The following GALNT10 variants were observed in gnomAD, a reference collection of about 807,000 sequenced individuals.
The protein encoded by GALNT10 is polypeptide N-acetylgalactosaminyltransferase 10.
Under a neutral mutation model 75.0 loss-of-function variants are expected in GALNT10, and 41 were observed. The observed-to-expected ratio is 0.55, with a 90% confidence interval of 0.43 to 0.71. The LOEUF is 0.71. Among genes scored for constraint, GALNT10 ranks in the 30% least tolerant of loss-of-function variants. The probability of loss-of-function intolerance (pLI) is 0.00; values close to 1 mark genes in which losing one functional copy is unlikely to be tolerated. For missense variants in GALNT10, 727 were observed against 818.5 expected (o/e 0.89, Z 1.36); for synonymous variants, 302 against 313.0 (o/e 0.96, Z 0.37).
At chr5:154,356,235 C>A (rs541769499) in intron 4 of GALNT10, 1 of 456,070 alleles carries the variant, frequency 2.2e-6, no homozygotes, top group Non-Finnish European at 4.4e-6. Flanking sequence ...TGCCAGGATT[C>A]CATTTGGAGA....
rs982148781 is a variant in GALNT10, at chr5:154,419,089, A to C, written c.*2117A>C. ...AAAGGGGCAGGGTTGTGGGGAGGGG[A>C]ACGTTTTTGGTGGTGTGTGCAGTTC... On this transcript the variant is annotated 3_prime_UTR_variant, in exon 12 of 12. Coordinates refer to ENST00000297107, the MANE Select transcript of GALNT10 (RefSeq NM_198321.4). 6.0e-5 allele frequency: 9 copies of C among 150,946 alleles called. No individual in the cohort carries two copies. The highest frequency in any genetic ancestry group is 8.9e-5 in the Non-Finnish European group (6 of 67,700). 9.4% of individuals were successfully genotyped at this position (150,946 alleles called of 1,614,324 possible). A position where few individuals can be genotyped will look rare whatever the true frequency, so the allele number is the denominator to read the frequency against.
chr5:154,270,022 C>A lies in GALNT10; in HGVS notation c.160-24794C>A, dbSNP rs903775663. On this transcript the variant is annotated intron_variant, in intron 1 of 11. Transcript: ENST00000297107. The stretch of plus-strand genomic sequence containing the variant: ...TCTTACTCTTTCTCTTATCAAAGGC[C>A]AGACTAACCTTCAAAGCCAAGTGGC... Among the ~76,000 whole-genome samples, 10 of 152,072 alleles carry A rather than the reference C, an allele frequency of 6.6e-5. No individual in the cohort carries two copies. The East Asian group carries it at 1.9e-3, about 29-fold the overall frequency.
intron 1 of GALNT10, among the ~76,000 whole-genome samples, chr5:154,275,172 G>C (rs191574228): frequency 1.2e-3 from 187 of 152,306 alleles, no homozygotes; most frequent in African/African-American, 4.3e-3. Context: ...AACATTTACT[G>C]AGTTGCTCCT....
At chr5:154,237,164 T>C (rs1199497549) in intron 1 of GALNT10, among the ~76,000 whole-genome samples, 1 of 152,130 alleles carries the variant, frequency 6.6e-6, no homozygotes, top group African/African-American at 2.4e-5. Context: ...GGCACCAATA[T>C]ACTGAACTGG....
At chr5:154,234,685 G>T (rs377075637) in intron 1 of GALNT10, among the ~76,000 whole-genome samples, 1 of 152,252 alleles carries the variant, frequency 6.6e-6, no homozygotes, top group East Asian at 1.9e-4. Flanking sequence ...CATGTGACCA[G>T]TGCATATGCA....
chr5:154,294,784 T>C, intron 1 of GALNT10, 32 bp from the exon 2 acceptor site: 1 of 1,177,330 alleles, frequency 8.5e-7, no homozygotes, highest in Non-Finnish European at 1.3e-6. Context: ...TTTGCCCTTT[T>C]CTATTTTTCA....
At chr5:154,278,440 T>G (rs538461714) in intron 1 of GALNT10, among the ~76,000 whole-genome samples, 2 of 152,340 alleles carry the variant, frequency 1.3e-5, no homozygotes, top group Admixed American at 1.3e-4. Context: ...CAAAGAGCCT[T>G]TAATATGCTA....
intron 7 of GALNT10, among the ~76,000 whole-genome samples, chr5:154,401,379 C>A (rs1756158674): frequency 6.6e-6 from 1 of 152,218 alleles, no homozygotes; most frequent in Non-Finnish European, 1.5e-5. Flanking sequence ...GGCCACTGCA[C>A]CACCTGAAAG....
rs746253228 is a variant in GALNT10, at chr5:154,409,522, A to C, written c.1165-19A>C. Reference sequence around the variant, plus strand: ...GCTTCTTGGAAAGACTGACCCCTCCATTGCTTCTTGCCCCATAGAACCTTA... The same window carrying C: ...GCTTCTTGGAAAGACTGACCCCTCCCTTGCTTCTTGCCCCATAGAACCTTA... On this transcript the variant is annotated intron_variant, in intron 8 of 11. Coordinates refer to ENST00000297107, the MANE Select transcript of GALNT10 (RefSeq NM_198321.4). The surrounding 1 kb of genome is among the most constrained non-coding windows in gnomAD (Gnocchi z 4.5). 3.8e-6 allele frequency: 6 copies of C among 1,559,972 alleles called. No homozygotes were observed. Among genetic ancestry groups the C allele is most frequent in the Non-Finnish European group, 5.3e-6 (6 of 1,130,576 alleles).
intron 3 of GALNT10, among the ~76,000 whole-genome samples, chr5:154,320,051 C>T (rs752462006): frequency 2.0e-5 from 3 of 152,166 alleles, no homozygotes; most frequent in African/African-American, 7.2e-5. Flanking sequence ...GAGCAGGTCA[C>T]ACAATTTTTT....
chr5:154,388,968 G>C (rs1468688625), intron 7 of GALNT10: 2 of 150,862 alleles, frequency 1.3e-5, no homozygotes, highest in Non-Finnish European at 2.9e-5. Context: ...GGGAGAGAGA[G>C]AGACAGAGAG....
chr5:154,344,319 C>G (rs963583696), intron 4 of GALNT10, among the ~76,000 whole-genome samples: 1 of 150,874 alleles, frequency 6.6e-6, no homozygotes, highest in African/African-American at 2.4e-5. Flanking sequence ...TCAAGTGATT[C>G]TCCTGCCTCA....
At chr5:154,406,186 G>A (rs1756277851) in intron 8 of GALNT10, 2 of 152,110 alleles carry the variant, frequency 1.3e-5, no homozygotes, top group Non-Finnish European at 2.9e-5. Flanking sequence ...CTTAAACAGT[G>A]ACTGCTGTTA....
chr5:154,395,406 G>A (rs1482057026), intron 7 of GALNT10, among the ~76,000 whole-genome samples: 1 of 152,186 alleles, frequency 6.6e-6, no homozygotes, highest in African/African-American at 2.4e-5. Context: ...ATTATTTAGG[G>A]GATGGAATAA....
At chr5:154,203,355 C>A (rs1185787666) in intron 1 of GALNT10, among the ~76,000 whole-genome samples, 1 of 152,178 alleles carries the variant, frequency 6.6e-6, no homozygotes, top group Non-Finnish European at 1.5e-5. Context: ...ACGGTGGAAT[C>A]CACAATTTCA....
intron 1 of GALNT10, among the ~76,000 whole-genome samples, chr5:154,241,038 T>G (rs541837356): frequency 6.6e-6 from 1 of 152,330 alleles, no homozygotes; most frequent in East Asian, 1.9e-4. Context: ...AGGTGTTGCT[T>G]TGAGGGGGCC....
In GALNT10 at chr5:154,402,972, G is replaced by A. The variant is rs950171036; in HGVS notation, c.1057-1132G>A. 2 of 152,518 alleles carry A rather than the reference G, an allele frequency of 1.3e-5. No homozygotes were observed. Among genetic ancestry groups the A allele is most frequent in the Non-Finnish European group, 2.9e-5 (2 of 68,264 alleles). 9.4% of individuals were successfully genotyped at this position (152,518 alleles called of 1,614,324 possible). A position where few individuals can be genotyped will look rare whatever the true frequency, so the allele number is the denominator to read the frequency against. On this transcript the variant is annotated intron_variant, in intron 7 of 11. Transcript: ENST00000297107. The surrounding 1 kb of genome is among the most constrained non-coding windows in gnomAD (Gnocchi z 4.2). ...ACAGGGGCACAAATACGAGGAGGCA[G>A]GGATTGTGAGGCCACTTCGGAGGCT...
chr5:154,334,466 G>C (rs1276940046), intron 4 of GALNT10, among the ~76,000 whole-genome samples: 1 of 152,248 alleles, frequency 6.6e-6, no homozygotes, highest in Non-Finnish European at 1.5e-5. Context: ...CTGTCCCCGG[G>C]TTGCACTGCC....
chr5:154,376,256 C>A lies in GALNT10; in HGVS notation c.569-21C>A, dbSNP rs1328185203. On this transcript the variant is annotated intron_variant, in intron 4 of 11. Coordinates refer to ENST00000297107, the MANE Select transcript of GALNT10 (RefSeq NM_198321.4). This position sits in a 1 kb window ranked among gnomAD's most constrained non-coding sequence, Gnocchi z 4.1. ...CTACTAAGCAACTGTTCTCACTCTTCTGTCCTCTTCTGTCTCATAGAGCAC... is the reference window on the plus strand; with the variant it reads ...CTACTAAGCAACTGTTCTCACTCTTATGTCCTCTTCTGTCTCATAGAGCAC... 2.0e-6 allele frequency: 3 copies of A among 1,534,178 alleles called. No homozygotes were observed. The South Asian group carries it at 3.4e-5, about 17-fold the overall frequency.
Sources: allele counts gnomAD v4.1 joint callset (sites outside exome capture counted in the v4.1 genomes callset), GRCh38; gene constraint gnomAD v4.1.1; non-coding constraint Gnocchi (gnomAD v3.1); transcripts MANE v1.5; gene names NCBI Gene and HGNC (gene_info 2026-07-23, HGNC 2026-07-21).